Variants in AMPH observed in about 807,000 individuals in gnomAD.
The protein encoded by AMPH is amphiphysin (Stiff-Mann syndrome with breast cancer 128kD autoantigen).
A neutral mutation model predicts 99.1 loss-of-function variants in AMPH; 49 were observed. The ratio of observed to expected loss-of-function variants is 0.49; its 90% CI spans 0.39 to 0.63. The LOEUF (loss-of-function observed/expected upper bound fraction) is 0.63, where lower values mean the gene tolerates loss of function less well. Ranked by LOEUF, AMPH falls within the 20% of genes least tolerant of loss-of-function variation. AMPH has a pLI of 0.00. For missense variants in AMPH, 759 were observed against 863.4 expected (o/e 0.88, Z 1.52); for synonymous variants, 314 against 317.3 (o/e 0.99, Z 0.11).
At chr7:38,558,626 A>G (rs1294745062) in intron 1 of AMPH, among the ~76,000 whole-genome samples, 1 of 152,244 alleles carries the variant, frequency 6.6e-6, no homozygotes, top group African/African-American at 2.4e-5. Context: ...TAAGAAAGAC[A>G]TAAAGCATTT....
At chr7:38,466,932 C>T (rs1182699601) in intron 7 of AMPH, among the ~76,000 whole-genome samples, 1 of 152,170 alleles carries the variant, frequency 6.6e-6, no homozygotes, top group African/African-American at 2.4e-5. Context: ...ACATATTTGA[C>T]TTAATCTTAA....
intron 9 of AMPH, 52 bp from the exon 10 acceptor site, chr7:38,463,165 T>C (rs1787522680): frequency 6.2e-7 from 1 of 1,612,778 alleles, no homozygotes; most frequent in Admixed American, 1.7e-5. Flanking sequence ...ACAGTATTCA[T>C]CTAATCAGGG....
At chr7:38,584,626 T>C (rs147759337) in intron 1 of AMPH, among the ~76,000 whole-genome samples, 34 of 152,254 alleles carry the variant, frequency 2.2e-4, no homozygotes, top group African/African-American at 7.9e-4. Flanking sequence ...TGATCATGAA[T>C]CACGTCATGT....
intron 1 of AMPH, among the ~76,000 whole-genome samples, chr7:38,606,313 G>A (rs893693318): frequency 6.6e-6 from 1 of 152,180 alleles, no homozygotes; most frequent in East Asian, 1.9e-4. Context: ...CGTCACCACT[G>A]TCTAGTTCCG....
intron 17 of AMPH, among the ~76,000 whole-genome samples, chr7:38,406,473 A>G (rs1465509158): frequency 6.6e-6 from 1 of 152,184 alleles, no homozygotes; most frequent in African/African-American, 2.4e-5. Flanking sequence ...GACTGCTATA[A>G]TAATTAATAT....
intron 5 of AMPH, among the ~76,000 whole-genome samples, chr7:38,477,914 G>C (rs1258159199): frequency 6.6e-6 from 1 of 150,566 alleles, no homozygotes; most frequent in Non-Finnish European, 1.5e-5. Flanking sequence ...AAGTCTCAAG[G>C]GGCATAAAAG....
chr7:38,474,468 C>T (rs754536589), intron 7 of AMPH, among the ~76,000 whole-genome samples: 8 of 151,932 alleles, frequency 5.3e-5, no homozygotes, highest in Admixed American at 2.0e-4. Context: ...AAAACACTAG[C>T]GATGAACACA....
chr7:38,453,880 T>C (rs1787130850), intron 11 of AMPH, among the ~76,000 whole-genome samples: 1 of 152,232 alleles, frequency 6.6e-6, no homozygotes, highest in Admixed American at 6.5e-5. Context: ...AAAATTCATG[T>C]AGCGAACAAA....
At chr7:38,461,546 A>G (rs1163475386) in intron 10 of AMPH, 135 bp from the exon 11 acceptor site, 15 of 1,042,790 alleles carry the variant, frequency 1.4e-5, no homozygotes, top group Non-Finnish European at 2.1e-5. Context: ...CAGCAAGCCT[A>G]TCTGATACAG....
intron 9 of AMPH, 135 bp from the exon 10 acceptor site, chr7:38,463,248 T>C: frequency 8.6e-7 from 1 of 1,165,470 alleles, no homozygotes; most frequent in Non-Finnish European, 1.3e-6. Flanking sequence ...TCCAGGTTAA[T>C]TCTGGTTAAT....
At chr7:38,582,010 G>T (rs557901057) in intron 1 of AMPH, among the ~76,000 whole-genome samples, 4 of 152,250 alleles carry the variant, frequency 2.6e-5, no homozygotes, top group African/African-American at 9.6e-5. Flanking sequence ...CTCAAGTTCA[G>T]AAGAGAGGCT....
chr7:38,454,767 T>G (rs780718270), intron 11 of AMPH, among the ~76,000 whole-genome samples: 11 of 152,190 alleles, frequency 7.2e-5, no homozygotes, highest in Non-Finnish European at 1.5e-4. Context: ...TGAAATAATA[T>G]ATAAAGAGAT....
At chr7:38,579,082 T>A (rs1562841212) in intron 1 of AMPH, among the ~76,000 whole-genome samples, 1 of 152,190 alleles carries the variant, frequency 6.6e-6, no homozygotes, top group Non-Finnish European at 1.5e-5. Context: ...GAAAGGGTCT[T>A]GGGCTGCCCC....
At chr7:38,388,088 G>C (rs1784394406) in intron 20 of AMPH, among the ~76,000 whole-genome samples, 2 of 152,102 alleles carry the variant, frequency 1.3e-5, no homozygotes, top group African/African-American at 4.8e-5. Context: ...CAGCAGACTA[G>C]CACTTCAGAA....
chr7:38,624,377 T>G (rs577272297), intron 1 of AMPH, among the ~76,000 whole-genome samples: 5 of 151,874 alleles, frequency 3.3e-5, no homozygotes, highest in South Asian at 4.2e-4. Context: ...CCCTTATTAT[T>G]ATTATTAGTA....
At chr7:38,426,896 T>C in intron 15 of AMPH, 58 bp downstream of exon 15, 1 of 1,546,398 alleles carries the variant, frequency 6.5e-7, no homozygotes, top group Non-Finnish European at 8.9e-7. Context: ...CAAACCACAT[T>C]GAAAAAAATG....
chr7:38,406,769 TCTCTCTC>T (rs1785019503), intron 17 of AMPH, among the ~76,000 whole-genome samples: 1 of 131,624 alleles, frequency 7.6e-6, no homozygotes, highest in Non-Finnish European at 1.7e-5. Context: ...TCTCTCTCTC[TCTCTCTC>T]GTGCTGGATG....
At chr7:38,503,495 C>CGGGGGGGGGG (rs3832480) in intron 3 of AMPH, among the ~76,000 whole-genome samples, 155 bp downstream of exon 3, 3 of 86,224 alleles carry the variant, frequency 3.5e-5, no homozygotes, top group African/African-American at 8.3e-5. Context: ...GAATTTGGGG[C>CGGGGGGGGGG]GGGGGGGTGG....
At chr7:38,473,572 C>T (rs1165008608) in intron 7 of AMPH, among the ~76,000 whole-genome samples, 1 of 106,468 alleles carries the variant, frequency 9.4e-6, no homozygotes, top group Non-Finnish European at 1.8e-5. Context: ...GGCGCGGTGG[C>T]GGGCGCCTGT....
Sources: gnomAD v4.1 joint callset for allele counts (sites outside exome capture counted in the v4.1 genomes callset) on GRCh38, gnomAD v4.1.1 for gene constraint, MANE v1.5 for transcripts, NCBI Gene and HGNC (gene_info 2026-07-23, HGNC 2026-07-21) for gene names.